The following ZNF251 variants were observed in gnomAD, a reference collection of about 807,000 sequenced individuals.
ZNF251 encodes zinc finger protein 251.
A neutral mutation model predicts 13.5 loss-of-function variants in ZNF251; 14 were observed. The ratio of observed to expected loss-of-function variants is 1.04; its 90% CI spans 0.69 to 1.63. The LOEUF is 1.63. ZNF251 is among the 40% of genes most tolerant of loss of function. The pLI is 0.00. For synonymous variants in ZNF251, 287 were observed against 295.2 expected, an observed-to-expected ratio of 0.97 and a Z score of 0.28; for missense variants, 764 against 834.9, an observed-to-expected ratio of 0.92 and a Z score of 1.05.
At chr8:144,726,894 A>G (rs1823534736) in intron 4 of ZNF251, among the ~76,000 whole-genome samples, 1 of 152,108 alleles carries the variant, frequency 6.6e-6, no homozygotes, top group Non-Finnish European at 1.5e-5. Flanking sequence ...AAGAAAAGAA[A>G]AAAAGAAAAC....
At chr8:144,752,135 C>CA (rs745386892) in intron 4 of ZNF251, among the ~76,000 whole-genome samples, 3,424 of 86,046 alleles carry the variant, frequency 0.04, 83 homozygotes, top group Admixed American at 0.088. Flanking sequence ...ATAACTAGAC[C>CA]AAAAAAAAAA....
At chr8:144,746,135 GCTCT>G (rs758111316) in intron 4 of ZNF251, among the ~76,000 whole-genome samples, 29 of 152,266 alleles carry the variant, frequency 1.9e-4, no homozygotes, top group East Asian at 5.8e-4. Context: ...TTCTGTAGAT[GCTCT>G]CTATCAACTT....
intron 4 of ZNF251, among the ~76,000 whole-genome samples, chr8:144,743,067 ATTTAT>A (rs529612523): frequency 2.0e-4 from 31 of 151,946 alleles, no homozygotes; most frequent in Admixed American, 6.6e-4. Context: ...ATTTATTTTT[ATTTAT>A]TTTATTTTTG....
chr8:144,728,462 G>A (rs1179516670), intron 4 of ZNF251, among the ~76,000 whole-genome samples: 1 of 151,938 alleles, frequency 6.6e-6, no homozygotes, highest in Non-Finnish European at 1.5e-5. Flanking sequence ...AGGAGATCGA[G>A]ACCATCCTGG....
chr8:144,750,110 A>G (rs1824625142), intron 4 of ZNF251, among the ~76,000 whole-genome samples: 1 of 152,014 alleles, frequency 6.6e-6, no homozygotes, highest in African/African-American at 2.4e-5. Flanking sequence ...TCATAGTTTT[A>G]AAAAAATACC....
At chr8:144,744,025 T>C (rs1426872112) in intron 4 of ZNF251, among the ~76,000 whole-genome samples, 1 of 146,230 alleles carries the variant, frequency 6.8e-6, no homozygotes, top group Admixed American at 6.8e-5. Flanking sequence ...TTTTTTTTTT[T>C]TTTTTGGAGA....
intron 4 of ZNF251, among the ~76,000 whole-genome samples, chr8:144,735,451 C>T (rs1030277082): frequency 1.3e-5 from 2 of 151,656 alleles, no homozygotes; most frequent in Non-Finnish European, 2.9e-5. Flanking sequence ...TGGCCAGCTA[C>T]TCAGGGCATG....
intron 4 of ZNF251, among the ~76,000 whole-genome samples, chr8:144,732,641 T>A (rs1349345091): frequency 1.3e-5 from 2 of 151,550 alleles, no homozygotes; most frequent in South Asian, 2.1e-4. Context: ...TGAAACCCCG[T>A]CTCTACTAAA....
intron 4 of ZNF251, among the ~76,000 whole-genome samples, chr8:144,726,754 C>G (rs1823529958): frequency 1.3e-5 from 2 of 151,970 alleles, no homozygotes; most frequent in Non-Finnish European, 2.9e-5. Flanking sequence ...CCTGTAGTCC[C>G]AGCTACTCGA....
chr8:144,754,506 G>T lies in ZNF251; in HGVS notation c.34-185C>A, dbSNP rs1261535402. The T allele has an allele frequency of 4.1e-6, 6 of 1,447,592 alleles. No homozygotes were observed. The African/African-American group carries it at 7.2e-5, about 17-fold the overall frequency. The allele number at this position is 1,447,592 out of a possible 1,614,324, so 89.7% of individuals were successfully genotyped here. ...GACCAGCCAACTTCAGCTACACGGG[G>T]ACCCAGCTGAGCTCAGAGCCCCTCT... On this transcript the variant is annotated intron_variant, in intron 2 of 4. Coordinates refer to ENST00000292562, the MANE Select transcript of ZNF251 (RefSeq NM_138367.2).
rs2129914659 is a variant in ZNF251, at chr8:144,721,437, C to CA, written c.*206dup. On this transcript the variant is annotated 3_prime_UTR_variant, in exon 5 of 5. Transcript: ENST00000292562. The stretch of plus-strand genomic sequence containing the variant: ...CACCACACGGTTCAACTCCTGAGCA[C>CA]AGCAGTAACCTTTACACAGACAGCC... 1 of 484,448 alleles carries CA rather than the reference C, an allele frequency of 2.1e-6. No homozygotes were observed. Among genetic ancestry groups the CA allele is most frequent in the South Asian group, 1.1e-4 (1 of 8,792 alleles). The allele number at this position is 484,448 out of a possible 1,614,324, so 30.0% of individuals were successfully genotyped here. A position where few individuals can be genotyped will look rare whatever the true frequency, so the allele number is the denominator to read the frequency against.
intron 4 of ZNF251, among the ~76,000 whole-genome samples, chr8:144,742,395 A>AT (rs1353476531): frequency 1.3e-5 from 2 of 151,928 alleles, no homozygotes; most frequent in Non-Finnish European, 2.9e-5. Context: ...GAAACATGAG[A>AT]TTTTTTTGAA....
At chr8:144,733,238 A>G (rs1823774059) in intron 4 of ZNF251, among the ~76,000 whole-genome samples, 1 of 152,056 alleles carries the variant, frequency 6.6e-6, no homozygotes, top group African/African-American at 2.4e-5. Context: ...CAAAACAAAA[A>G]TGTTGATAAA....
chr8:144,751,735 A>G (rs1563772026), intron 4 of ZNF251, among the ~76,000 whole-genome samples: 1 of 152,230 alleles, frequency 6.6e-6, no homozygotes, highest in East Asian at 1.9e-4. Flanking sequence ...TACATTAAAC[A>G]TTAACAGACT....
intron 4 of ZNF251, among the ~76,000 whole-genome samples, chr8:144,730,365 G>A (rs1823658445): frequency 7.0e-6 from 1 of 143,102 alleles, no homozygotes; most frequent in Non-Finnish European, 1.5e-5. Flanking sequence ...GGGCGTCCCG[G>A]GGGTGACACT....
chr8:144,732,501 C>A (rs564872168), intron 4 of ZNF251, among the ~76,000 whole-genome samples: 76 of 152,294 alleles, frequency 5.0e-4, no homozygotes, highest in African/African-American at 1.8e-3. Flanking sequence ...GGTAAAAAGA[C>A]GAGTTGGCCA....
In ZNF251 at chr8:144,734,167, T is replaced by C. The variant is rs1417272678; in HGVS notation, c.278-10785A>G. On this transcript the variant is annotated intron_variant, in intron 4 of 4. Coordinates refer to ENST00000292562, the MANE Select transcript of ZNF251 (RefSeq NM_138367.2). The surrounding 1 kb of genome is among the most constrained non-coding windows in gnomAD (Gnocchi z 4.4). ...TCCCATGCCACACCTGCCTGGTGTT[T>C]TCCTTTGTCCCAGCGCTGAGCCGAG... 1.3e-5 allele frequency among the ~76,000 whole-genome samples: 2 copies of C among 152,220 alleles called. No homozygotes were observed.
Position 144,724,630 on chromosome 8 carries a change from G to A in ZNF251, c.278-1248C>T, listed in dbSNP as rs573794775. 7.0e-4 allele frequency among the ~76,000 whole-genome samples: 107 copies of A among 152,314 alleles called. 1 individual carries two copies. Among genetic ancestry groups the A allele is most frequent in the Middle Eastern group, 3.4e-3 (1 of 294 alleles). The stretch of plus-strand genomic sequence containing the variant: ...ATATGTACGTTGAAATGACTACAAT[G>A]ATGCTCGCTGCATTTTGTAATTGGG... On this transcript the variant is annotated intron_variant, in intron 4 of 4. Coordinates refer to ENST00000292562, the MANE Select transcript of ZNF251 (RefSeq NM_138367.2).
At chr8:144,751,167 G>A (rs1268216126) in intron 4 of ZNF251, among the ~76,000 whole-genome samples, 1 of 152,100 alleles carries the variant, frequency 6.6e-6, no homozygotes, top group Non-Finnish European at 1.5e-5. Flanking sequence ...CCAATTTTGA[G>A]AGCAGTGATT....
Sources: allele counts gnomAD v4.1 joint callset (sites outside exome capture counted in the v4.1 genomes callset), GRCh38; gene constraint gnomAD v4.1.1; non-coding constraint Gnocchi (gnomAD v3.1); transcripts MANE v1.5; gene names NCBI Gene and HGNC (gene_info 2026-07-23, HGNC 2026-07-21).